The following FBXO34 variants were observed in gnomAD, a reference collection of about 807,000 sequenced individuals.
The protein encoded by FBXO34 is F-box protein 34.
A neutral mutation model predicts 24.5 loss-of-function variants in FBXO34; 12 were observed. The observed-to-expected ratio is 0.49, with a 90% CI of 0.31 to 0.79. The LOEUF (loss-of-function observed/expected upper bound fraction) is 0.79. FBXO34 is among the 30% of genes least tolerant of loss of function. The pLI, the probability that FBXO34 is intolerant of heterozygous loss-of-function variation, is 0.04. For missense variants in FBXO34, 823 were observed against 857.7 expected (o/e 0.96, Z 0.51); for synonymous variants, 320 against 311.9 (o/e 1.03, Z -0.27).
chr14:55,428,116 T>C, the FBXO34 span, among the ~76,000 whole-genome samples: 5 of 130,078 alleles, frequency 3.8e-5, no homozygotes, highest in East Asian at 1.1e-3. Context: ...TCACATGCCT[T>C]ATCTTTTTTT....
the FBXO34 span, among the ~76,000 whole-genome samples, chr14:55,411,059 G>C: frequency 6.6e-6 from 1 of 152,122 alleles, no homozygotes; most frequent in Non-Finnish European, 1.5e-5. Context: ...ATAATCTTTA[G>C]AGGCAGGGAG....
At chr14:55,382,133 T>G in the FBXO34 span, 17 of 1,614,092 alleles carry the variant, frequency 1.1e-5, no homozygotes, top group Non-Finnish European at 1.4e-5. Flanking sequence ...TCAGCAAGCT[T>G]GCTCACAGTG....
At chr14:55,288,672 TAATC>T (rs768781386) in intron 1 of FBXO34, among the ~76,000 whole-genome samples, 34 of 152,340 alleles carry the variant, frequency 2.2e-4, no homozygotes, top group African/African-American at 7.9e-4. Context: ...TTTCTTCAGT[TAATC>T]AGAGAAAAGG....
At chr14:55,442,945 G>T in the FBXO34 span, among the ~76,000 whole-genome samples, 1 of 152,324 alleles carries the variant, frequency 6.6e-6, no homozygotes, top group East Asian at 1.9e-4. Flanking sequence ...AGCCATCTGC[G>T]AATGAAAGAG....
chr14:55,390,064 A>G, the FBXO34 span, among the ~76,000 whole-genome samples: 2 of 152,166 alleles, frequency 1.3e-5, no homozygotes, highest in Non-Finnish European at 2.9e-5. Flanking sequence ...AAATGGGAAC[A>G]TACATTCCTT....
At chr14:55,435,078 C>T in the FBXO34 span, among the ~76,000 whole-genome samples, 7 of 150,164 alleles carry the variant, frequency 4.7e-5, no homozygotes, top group African/African-American at 1.2e-4. Context: ...TTGAGGAGGA[C>T]GAAAAAAAAA....
chr14:55,330,610 ATC>A (rs1298739302), intron 1 of FBXO34, among the ~76,000 whole-genome samples: 18 of 151,978 alleles, frequency 1.2e-4, no homozygotes, highest in African/African-American at 4.4e-4. Flanking sequence ...ATAGTGAGAC[ATC>A]TCTACAAAAA....
intron 3 of FBXO34, among the ~76,000 whole-genome samples, chr14:55,359,848 G>T (rs72717725): frequency 6.6e-6 from 1 of 151,400 alleles, no homozygotes; most frequent in African/African-American, 2.4e-5. Context: ...GGGAGGCCAC[G>T]GTGGGAGGGC....
intron 1 of FBXO34, among the ~76,000 whole-genome samples, chr14:55,284,628 T>C (rs1215413962): frequency 6.7e-6 from 1 of 148,708 alleles, no homozygotes; most frequent in Non-Finnish European, 1.5e-5. Flanking sequence ...TTACTTTTTT[T>C]TTTTTTTTTT....
chr14:55,287,269 C>T (rs1011181315), intron 1 of FBXO34, among the ~76,000 whole-genome samples: 5 of 152,120 alleles, frequency 3.3e-5, no homozygotes, highest in Admixed American at 3.3e-4. Flanking sequence ...TAATTTTGTT[C>T]AGGAAACAAA....
intron 1 of FBXO34, among the ~76,000 whole-genome samples, chr14:55,286,729 A>G (rs570796276): frequency 5.5e-4 from 83 of 152,264 alleles, no homozygotes; most frequent in Non-Finnish European, 9.3e-4. Context: ...AACCCTGTTC[A>G]AAACAATTTG....
chr14:55,331,892 A>G (rs12895654), intron 1 of FBXO34, among the ~76,000 whole-genome samples: 13,938 of 14,174 alleles, frequency 0.98, 6,958 homozygotes, highest in Middle Eastern at 1. Context: ...ATACACCACC[A>G]TGGTGTATAT....
At chr14:55,365,630 A>G (rs920389897), downstream of FBXO34, among the ~76,000 whole-genome samples, 1 of 152,162 alleles carries the variant, frequency 6.6e-6, no homozygotes, top group Admixed American at 6.5e-5. Context: ...GGATGGAGAA[A>G]TCTCCCTTTA....
chr14:55,274,975 AC>A (rs1048196301), intron 1 of FBXO34, among the ~76,000 whole-genome samples: 1 of 152,246 alleles, frequency 6.6e-6, no homozygotes, highest in African/African-American at 2.4e-5. Flanking sequence ...AGCAACAAAA[AC>A]AAAAAAGAGC....
At chr14:55,420,952 T>C in the FBXO34 span, among the ~76,000 whole-genome samples, 1 of 146,176 alleles carries the variant, frequency 6.8e-6, no homozygotes, top group African/African-American at 2.5e-5. Context: ...TCCCAGCTAC[T>C]GGGGAGGCTG....
intron 1 of FBXO34, chr14:55,299,269 C>T (rs1239841802): frequency 5.1e-6 from 4 of 777,460 alleles, no homozygotes; most frequent in African/African-American, 1.7e-5. Context: ...GGGCTGGGTC[C>T]AGCGCGGGCA....
intron 1 of FBXO34, among the ~76,000 whole-genome samples, chr14:55,296,860 A>G (rs971150441): frequency 6.6e-6 from 1 of 151,924 alleles, no homozygotes; most frequent in African/African-American, 2.4e-5. Flanking sequence ...TTAATTAGCC[A>G]TTTGTCTTCT....
chr14:55,330,427 T>G (rs1374678376), intron 1 of FBXO34, among the ~76,000 whole-genome samples: 3 of 152,186 alleles, frequency 2.0e-5, no homozygotes, highest in Admixed American at 2.0e-4. Flanking sequence ...ATTCTTTTTG[T>G]GGGTTTTATT....
At chr14:55,440,860 GA>G in the FBXO34 span, among the ~76,000 whole-genome samples, 3 of 152,154 alleles carry the variant, frequency 2.0e-5, no homozygotes, top group East Asian at 5.8e-4. Context: ...AAAAAAAAGG[GA>G]TTTTTTGTTG....
Sources: allele counts gnomAD v4.1 joint callset (sites outside exome capture counted in the v4.1 genomes callset), GRCh38; gene constraint gnomAD v4.1.1; transcripts MANE v1.5; gene names NCBI Gene and HGNC (gene_info 2026-07-23, HGNC 2026-07-21).